The following AGBL2 variants were observed in gnomAD, a reference collection of about 807,000 sequenced individuals.
AGBL2 encodes cytosolic carboxypeptidase 2.
In AGBL2, 87 loss-of-function variants were observed where a neutral mutation model predicts 103.0. That is an observed-to-expected ratio of 0.84 (90% CI 0.71 to 1.01). AGBL2 has a LOEUF of 1.01. Among genes scored for constraint, AGBL2 ranks in the 50% least tolerant of loss-of-function variants. The pLI, the probability that AGBL2 is intolerant of heterozygous loss-of-function variation, is 0.00. For synonymous variants in AGBL2, 335 were observed against 356.7 expected, an observed-to-expected ratio of 0.94 and a Z score of 0.69; for missense variants, 904 against 1,023.5, an observed-to-expected ratio of 0.88 and a Z score of 1.59.
chr11:47,666,884 T>G, intron 17 of AGBL2, 72 bp downstream of exon 17: 2 of 972,864 alleles, frequency 2.1e-6, no homozygotes, highest in African/African-American at 1.6e-5. Flanking sequence ...ATTTGTCACA[T>G]TGTGGGAGAG....
chr11:47,691,220 T>C (rs2097444109), intron 9 of AGBL2, among the ~76,000 whole-genome samples: 2 of 151,724 alleles, frequency 1.3e-5, no homozygotes, highest in South Asian at 4.1e-4. Flanking sequence ...GCTGAGATCG[T>C]GCCATTGCTC....
chr11:47,671,561 A>C (rs759294710), intron 14 of AGBL2, among the ~76,000 whole-genome samples: 2 of 151,922 alleles, frequency 1.3e-5, no homozygotes, highest in African/African-American at 4.8e-5. Context: ...AACAAAAAAC[A>C]CTTATTGGCA....
rs187067255 is a variant in AGBL2, at chr11:47,702,736, C to T, written c.586+1807G>A. Among the ~76,000 whole-genome samples the T allele has an allele frequency of 8.0e-3, 1,220 of 151,806 alleles. 14 individuals carry two copies. Among genetic ancestry groups the T allele is most frequent in the Non-Finnish European group, 0.014 (975 of 67,934 alleles). On this transcript the variant is annotated intron_variant, in intron 7 of 18. Transcript: ENST00000525123. ...TAAAAATACAAAAATTAGCTGGGTG[C>T]GGTGGTGGGTGCCTGTAATCCCAGC...
At chr11:47,700,251 C>T (rs2097492888) in intron 7 of AGBL2, among the ~76,000 whole-genome samples, 1 of 152,128 alleles carries the variant, frequency 6.6e-6, no homozygotes, top group Non-Finnish European at 1.5e-5. Context: ...GCCACTGTGC[C>T]TAGCGAAGGC....
In AGBL2 at chr11:47,690,661, CG is replaced by C; in HGVS notation, c.1045del (p.Arg349AlafsTer81). 6 of 1,613,990 alleles carry C rather than the reference CG, an allele frequency of 3.7e-6. No individual in the cohort carries two copies. Among genetic ancestry groups the C allele is most frequent in the Non-Finnish European group, 4.2e-6 (5 of 1,179,986 alleles). ...LLYSQLDANT[R>X]NIGWRREGNE... is the part of the protein sequence containing the mutation. Reference sequence around the variant, plus strand: ...TCCTTCTCTCCTCCAGCCAATATTGCGGGTGTTGGCATCCAATTGGGAGTAC... The same window carrying C: ...TCCTTCTCTCCTCCAGCCAATATTGCGGTGTTGGCATCCAATTGGGAGTAC... On this transcript the variant is annotated frameshift_variant, in exon 10 of 19. Transcript: ENST00000525123. LOFTEE classifies it high-confidence loss of function.
chr11:47,691,987 A>G (rs547725119), intron 9 of AGBL2, 116 bp downstream of exon 9: 8 of 924,392 alleles, frequency 8.7e-6, no homozygotes, highest in Non-Finnish European at 1.2e-5. Flanking sequence ...CTTCATACCC[A>G]TAACTATTCC....
chr11:47,704,596 G>A lies in AGBL2; in HGVS notation c.533C>T (p.Ala178Val). ...CTCACATTCAATTGGCCATCTTGGA[G>A]CCTGCAGTGGCCTCTTGGTAGACAA... ...SILSTKRPLQ[A>V]PRWPIECEVI... The change falls in exon 7 of 19, where the codon GCT (alanine) becomes GTT (valine). Residue 178 changes from alanine to valine, a missense_variant. By Grantham distance (64) the Ala-to-Val change is moderately conservative. Transcript: ENST00000525123. 6.2e-7 allele frequency: 1 copy of A among 1,614,056 alleles called. No homozygotes were observed. Among genetic ancestry groups the A allele is most frequent in the Non-Finnish European group, 8.5e-7 (1 of 1,180,000 alleles).
intron 11 of AGBL2, among the ~76,000 whole-genome samples, chr11:47,684,568 TAAG>T (rs746290628): frequency 2.7e-5 from 4 of 145,562 alleles, no homozygotes; most frequent in Non-Finnish European, 6.1e-5. Context: ...AAAAAAAAAA[TAAG>T]GAGAAGAAAA....
intron 11 of AGBL2, among the ~76,000 whole-genome samples, chr11:47,684,583 A>G (rs1317817820): frequency 2.0e-5 from 3 of 151,574 alleles, no homozygotes; most frequent in African/African-American, 7.3e-5. Flanking sequence ...AGAAGAAAAA[A>G]AAATAAGTAA....
chr11:47,661,120 G>A (rs1185988560), intron 18 of AGBL2, among the ~76,000 whole-genome samples: 1 of 151,910 alleles, frequency 6.6e-6, no homozygotes, highest in Non-Finnish European at 1.5e-5. Context: ...CCAAGATCAT[G>A]CCACTGCACT....
chr11:47,677,460 T>C, intron 13 of AGBL2, 59 bp from the exon 14 acceptor site: 1 of 1,146,620 alleles, frequency 8.7e-7, no homozygotes, highest in African/African-American at 1.6e-5. Flanking sequence ...TTATTTATTA[T>C]TATTATTTTT....
At chr11:47,680,969 G>A (rs1598960295) in intron 12 of AGBL2, among the ~76,000 whole-genome samples, 1 of 152,110 alleles carries the variant, frequency 6.6e-6, no homozygotes, top group African/African-American at 2.4e-5. Flanking sequence ...GGCACTATGG[G>A]AAGTGCACTC....
At chr11:47,679,922 G>T in intron 13 of AGBL2, 51 bp downstream of exon 13, 1 of 1,223,028 alleles carries the variant, frequency 8.2e-7, no homozygotes, top group Non-Finnish European at 1.2e-6. Context: ...GATTACAGGT[G>T]TGAGCCACCA....
intron 14 of AGBL2, among the ~76,000 whole-genome samples, chr11:47,669,974 G>A (rs1163037498): frequency 3.3e-5 from 5 of 152,224 alleles, no homozygotes; most frequent in Non-Finnish European, 5.9e-5. Flanking sequence ...TGCATGCCAA[G>A]CAGTGTGCTA....
At chr11:47,699,240 TA>T (rs1211242930) in intron 8 of AGBL2, among the ~76,000 whole-genome samples, 1 of 152,156 alleles carries the variant, frequency 6.6e-6, no homozygotes, top group African/African-American at 2.4e-5. Context: ...TTAGAACTAT[TA>T]AAAATAATGT....
chr11:47,665,072 T>C (rs1316568127), intron 17 of AGBL2, among the ~76,000 whole-genome samples: 1 of 151,226 alleles, frequency 6.6e-6, no homozygotes, highest in Non-Finnish European at 1.5e-5. Context: ...TTTTTTTTTT[T>C]CTAAGACAGA....
At chr11:47,713,283 G>A (rs1028402528) in intron 3 of AGBL2, among the ~76,000 whole-genome samples, 2 of 150,970 alleles carry the variant, frequency 1.3e-5, no homozygotes, top group South Asian at 2.1e-4. Flanking sequence ...GGTGGAGGTC[G>A]CAGTGAGCCG....
chr11:47,701,989 A>G (rs866806584), intron 7 of AGBL2, among the ~76,000 whole-genome samples: 8 of 150,674 alleles, frequency 5.3e-5, no homozygotes, highest in African/African-American at 1.9e-4. Context: ...AAAAAAAAAA[A>G]AAAGAAAAAA....
At position 47,679,969 on chromosome 11, in the gene AGBL2, T is replaced by G. The variant is rs765626434; in HGVS notation, c.2016+4A>C. The G allele has an allele frequency of 3.2e-6, 5 of 1,585,646 alleles. No homozygotes were observed. The highest frequency in any genetic ancestry group is 2.6e-6 in the Non-Finnish European group (3 of 1,155,358). On this transcript the variant is annotated splice_donor_region_variant and intron_variant, in intron 13 of 18. Transcript: ENST00000525123. ...CATCACATTTCTTGAAACCCCATTT[T>G]TACCTTCATTTGGTCAGGATCACAA... is the stretch of plus-strand genomic sequence containing the variant.
Sources: allele counts gnomAD v4.1 joint callset (sites outside exome capture counted in the v4.1 genomes callset), GRCh38; gene constraint gnomAD v4.1.1; transcripts MANE v1.5; gene names NCBI Gene and HGNC (gene_info 2026-07-23, HGNC 2026-07-21).